FAM193A: variants seen among roughly 807,000 people sequenced by gnomAD.
FAM193A encodes protein FAM193A.
Under a neutral mutation model 126.5 loss-of-function variants are expected in FAM193A, and 22 were observed. The observed-to-expected ratio is 0.17, with a 90% confidence interval of 0.12 to 0.25. FAM193A has a LOEUF of 0.25. FAM193A is among the 10% of genes least tolerant of loss of function. FAM193A has a pLI of 1.00. For synonymous variants in FAM193A, 761 were observed against 646.8 expected (o/e 1.18, Z -2.68); for missense variants, 1,675 against 1,672.8 (o/e 1.00, Z -0.02).
rs1327324317 is a variant in FAM193A at position 2,646,575 on chromosome 4, T to A, written c.1164-110T>A. 4.2e-6 allele frequency: 5 copies of A among 1,176,832 alleles called. No individual in the cohort carries two copies. The African/African-American group carries it at 7.8e-5, about 18-fold the overall frequency. 72.9% of individuals were successfully genotyped at this position (1,176,832 alleles called of 1,614,324 possible). A position where few individuals can be genotyped will look rare whatever the true frequency, so the allele number is the denominator to read the frequency against. ...GCAGAGTGGCACCCTGTTTTCCACG[T>A]TGGGAGGCGAGATGACAAAGCAGGA... On this transcript the variant is annotated intron_variant, in intron 6 of 20. Coordinates refer to ENST00000637812, the MANE Select transcript of FAM193A (RefSeq NM_001366318.2).
chr4:2,561,095 C>T (rs933968345), intron 1 of FAM193A, among the ~76,000 whole-genome samples: 4 of 152,248 alleles, frequency 2.6e-5, no homozygotes, highest in Non-Finnish European at 5.9e-5. Flanking sequence ...CTTTTATGTC[C>T]TTACAACACC....
chr4:2,610,643 T>A (rs1258182833), intron 2 of FAM193A, among the ~76,000 whole-genome samples: 1 of 152,250 alleles, frequency 6.6e-6, no homozygotes, highest in Non-Finnish European at 1.5e-5. Context: ...ATTGTATGGA[T>A]AAACCACAAT....
At chr4:2,602,459 A>G (rs1345829266) in intron 2 of FAM193A, among the ~76,000 whole-genome samples, 1 of 150,166 alleles carries the variant, frequency 6.7e-6, no homozygotes, top group Non-Finnish European at 1.5e-5. Context: ...GGTTCAAACG[A>G]TAATCCTGCC....
chr4:2,645,644 A>G (rs1474987642), intron 6 of FAM193A, among the ~76,000 whole-genome samples: 1 of 151,822 alleles, frequency 6.6e-6, no homozygotes, highest in African/African-American at 2.4e-5. Context: ...CTTCTGTCTC[A>G]GCCTCCTGAG....
intron 2 of FAM193A, among the ~76,000 whole-genome samples, chr4:2,623,972 G>A (rs963525353): frequency 1.7e-4 from 25 of 148,436 alleles, no homozygotes; most frequent in Admixed American, 7.3e-4. Flanking sequence ...TCACCCTGTG[G>A]GCACCCTCAG....
chr4:2,697,823 C>T (rs1214958121), intron 18 of FAM193A, among the ~76,000 whole-genome samples: 1 of 152,178 alleles, frequency 6.6e-6, no homozygotes, highest in African/African-American at 2.4e-5. Flanking sequence ...CACAGTGTGT[C>T]CTCCATTCAG....
chr4:2,639,402 A>G (rs1383715503), intron 5 of FAM193A, among the ~76,000 whole-genome samples: 3 of 152,138 alleles, frequency 2.0e-5, no homozygotes, highest in African/African-American at 4.8e-5. Context: ...TACATTTTAA[A>G]AGTATAATTG....
chr4:2,696,486 G>A lies in FAM193A; in HGVS notation c.3400G>A (p.Val1134Ile), dbSNP rs182204199. 2.4e-5 allele frequency: 39 copies of A among 1,614,238 alleles called. No homozygotes were observed. The highest frequency in any genetic ancestry group is 3.1e-5 in the Non-Finnish European group (36 of 1,180,032). ...MDQISERESV[V>I]DHRRVEDLLQ... The stretch of plus-strand genomic sequence containing the variant: ...CCAGATCTCAGAAAGGGAAAGCGTC[G>A]TTGACCATCGGAGGGTGGAGGATTT... Residue 1134 changes from valine to isoleucine, a missense_variant, in exon 18 of 21, where the codon GTT becomes ATT. Coordinates refer to ENST00000637812, the MANE Select transcript of FAM193A (RefSeq NM_001366318.2).
chr4:2,588,101 A>G (rs1398031005), intron 1 of FAM193A, among the ~76,000 whole-genome samples: 1 of 152,122 alleles, frequency 6.6e-6, no homozygotes, highest in Non-Finnish European at 1.5e-5. Context: ...CAGTCTGTGA[A>G]TACCCATCTT....
intron 20 of FAM193A, among the ~76,000 whole-genome samples, chr4:2,725,576 T>G (rs1175113315): frequency 1.3e-5 from 2 of 151,984 alleles, no homozygotes; most frequent in East Asian, 3.9e-4. Flanking sequence ...GTATAGACTC[T>G]AGATAGAGTG....
chr4:2,626,287 A>G (rs1187254472), intron 3 of FAM193A, 123 bp from the exon 4 acceptor site: 1 of 624,972 alleles, frequency 1.6e-6, no homozygotes, highest in African/African-American at 1.8e-5. Flanking sequence ...CAGCAGCCTG[A>G]TTGCCGGCTC....
intron 1 of FAM193A, among the ~76,000 whole-genome samples, chr4:2,580,670 A>G (rs945148900): frequency 1.3e-5 from 2 of 152,130 alleles, no homozygotes; most frequent in African/African-American, 2.4e-5. Flanking sequence ...TCCCCCCTCT[A>G]TCTCTGGCTC....
At chr4:2,708,525 C>T (rs73189410) in intron 19 of FAM193A, among the ~76,000 whole-genome samples, 58,243 of 151,728 alleles carry the variant, frequency 0.38, 11,841 homozygotes, top group Admixed American at 0.55. Flanking sequence ...TGCAGTGGCG[C>T]GATCTTGGAT....
At chr4:2,718,365 G>T (rs1160909093) in intron 20 of FAM193A, among the ~76,000 whole-genome samples, 1 of 152,042 alleles carries the variant, frequency 6.6e-6, no homozygotes, top group African/African-American at 2.4e-5. Context: ...AAAGTCAGGT[G>T]ATGGCTATGT....
At chr4:2,577,256 A>G (rs987710058) in intron 1 of FAM193A, among the ~76,000 whole-genome samples, 9 of 152,176 alleles carry the variant, frequency 5.9e-5, no homozygotes, top group African/African-American at 2.2e-4. Context: ...TTTCAACACC[A>G]TGAAGTAAAA....
intron 1 of FAM193A, among the ~76,000 whole-genome samples, chr4:2,581,546 G>T (rs576074459): frequency 1.3e-5 from 2 of 149,370 alleles, no homozygotes; most frequent in Admixed American, 1.3e-4. Flanking sequence ...GAGCCACCAT[G>T]CCCAGCTTCT....
At chr4:2,625,688 C>A in intron 3 of FAM193A, 2 of 250,304 alleles carry the variant, frequency 8.0e-6, no homozygotes, top group Non-Finnish European at 7.5e-6. Flanking sequence ...GGCTGCTTCT[C>A]AGTGGCTGAG....
rs1000365832 is a variant in FAM193A at position 2,608,212 on chromosome 4, G to A, written c.501+11883G>A. 11 of 1,285,718 alleles carry A rather than the reference G, an allele frequency of 8.6e-6. No individual in the cohort carries two copies. The African/African-American group carries it at 1.4e-4, about 16-fold the overall frequency. The allele number at this position is 1,285,718 out of a possible 1,614,324, so 79.6% of individuals were successfully genotyped here. A position where few individuals can be genotyped will look rare whatever the true frequency, so the allele number is the denominator to read the frequency against. Reference sequence around the variant, plus strand: ...TTTCTTTTCTGTTTTCGAGACGGTCGGTCTCGCCCAGTATGGAGTGCAGTG... The same window carrying A: ...TTTCTTTTCTGTTTTCGAGACGGTCAGTCTCGCCCAGTATGGAGTGCAGTG... On this transcript the variant is annotated intron_variant, in intron 2 of 20. Coordinates refer to ENST00000637812, the MANE Select transcript of FAM193A (RefSeq NM_001366318.2).
chr4:2,569,336 G>C (rs1455033287), intron 1 of FAM193A, among the ~76,000 whole-genome samples: 1 of 152,060 alleles, frequency 6.6e-6, no homozygotes, highest in African/African-American at 2.4e-5. Flanking sequence ...TGGAAACTCT[G>C]TTGCTAACAG....
Sources: gnomAD v4.1 joint callset for allele counts (sites outside exome capture counted in the v4.1 genomes callset) on GRCh38, gnomAD v4.1.1 for gene constraint, MANE v1.5 for transcripts, NCBI Gene and HGNC (gene_info 2026-07-23, HGNC 2026-07-21) for gene names.